Variants in XRCC4 observed in about 807,000 individuals in gnomAD.
XRCC4 encodes X-ray repair cross complementing 4, also known as DNA repair protein XRCC4.
XRCC4 carries 28 observed loss-of-function variants against 39.1 expected under a neutral mutation model. The observed-to-expected ratio is 0.72, with a 90% CI of 0.53 to 0.98. XRCC4 has a LOEUF of 0.98. XRCC4 is among the 50% of genes least tolerant of loss of function. The pLI, the probability that XRCC4 is intolerant of heterozygous loss-of-function variation, is 0.00. For synonymous variants in XRCC4, 123 were observed against 126.4 expected (o/e 0.97, Z 0.18); for missense variants, 350 against 376.4 (o/e 0.93, Z 0.58).
intron 3 of XRCC4, among the ~76,000 whole-genome samples, chr5:83,135,035 C>T (rs934352278): frequency 6.6e-5 from 10 of 152,190 alleles, no homozygotes; most frequent in Non-Finnish European, 1.2e-4. Flanking sequence ...TAACACTCAC[C>T]GCGAGGGTCC....
intron 7 of XRCC4, among the ~76,000 whole-genome samples, chr5:83,287,586 T>G (rs904844454): frequency 6.6e-6 from 1 of 151,966 alleles, no homozygotes; most frequent in African/African-American, 2.4e-5. Flanking sequence ...ATGATACATT[T>G]CCATCCATAT....
At chr5:83,287,378 G>A (rs1277677946) in intron 7 of XRCC4, among the ~76,000 whole-genome samples, 1 of 152,016 alleles carries the variant, frequency 6.6e-6, no homozygotes, top group African/African-American at 2.4e-5. Flanking sequence ...GAATAGCACA[G>A]CTTTCTATGC....
intron 6 of XRCC4, among the ~76,000 whole-genome samples, chr5:83,247,480 G>T (rs1194517074): frequency 1.3e-5 from 2 of 152,158 alleles, no homozygotes; most frequent in African/African-American, 4.8e-5. Flanking sequence ...CCTGTTCCTG[G>T]TGCCAAAAAG....
intron 7 of XRCC4, among the ~76,000 whole-genome samples, chr5:83,288,666 T>A (rs1754814829): frequency 6.6e-6 from 1 of 152,000 alleles, no homozygotes; most frequent in Middle Eastern, 3.4e-3. Context: ...ACCTTGTTTC[T>A]GTGTATGTAA....
At chr5:83,355,270 ACT>A (rs1473357445), downstream of XRCC4, among the ~76,000 whole-genome samples, 7 of 150,932 alleles carry the variant, frequency 4.6e-5, no homozygotes, top group East Asian at 1.4e-3. Context: ...CCTCCCAGTC[ACT>A]CTCTGTCCCA....
chr5:83,153,129 A>G (rs1296245976), intron 3 of XRCC4, among the ~76,000 whole-genome samples: 35 of 152,158 alleles, frequency 2.3e-4, no homozygotes, highest in South Asian at 2.1e-4. Flanking sequence ...AGAGCATTCA[A>G]TCTTTTAGGA....
intron 4 of XRCC4, among the ~76,000 whole-genome samples, chr5:83,198,991 C>T (rs1346827588): frequency 1.3e-5 from 2 of 152,086 alleles, no homozygotes; most frequent in African/African-American, 4.8e-5. Context: ...GTTTTGTTTG[C>T]ACTCAGACCT....
rs28360327 is a variant in XRCC4 at position 83,336,418 on chromosome 5, G to T, written c.894-16713G>T. ...TTTCTGTTTATGCTTTCTGATTTTT[G>T]AAATCTGATTCTTTTTCTTGGTTGG... On this transcript the variant is annotated intron_variant, in intron 7 of 7. Transcript: ENST00000396027. 1.6e-4 allele frequency among the ~76,000 whole-genome samples: 25 copies of T among 152,028 alleles called. 1 individual carries two copies. In the East Asian group the frequency reaches 4.8e-3, roughly 29 times the overall value.
intron 3 of XRCC4, among the ~76,000 whole-genome samples, chr5:83,125,109 T>G (rs12153179): frequency 6.6e-6 from 1 of 151,772 alleles, no homozygotes; most frequent in African/African-American, 2.4e-5. Context: ...TCTTTTCATA[T>G]GTTTATTTGC....
chr5:83,209,662 T>A (rs1015309170), intron 6 of XRCC4, among the ~76,000 whole-genome samples: 3 of 152,102 alleles, frequency 2.0e-5, no homozygotes, highest in Admixed American at 6.6e-5. Flanking sequence ...ATCATAAGGC[T>A]AATGATTTTA....
chr5:83,106,821 A>G (rs780446388), intron 2 of XRCC4, among the ~76,000 whole-genome samples: 1 of 152,038 alleles, frequency 6.6e-6, no homozygotes, highest in Non-Finnish European at 1.5e-5. Flanking sequence ...TTCTCAATGA[A>G]TACTTTTTTG....
chr5:83,239,778 G>A (rs1349594955), intron 6 of XRCC4, among the ~76,000 whole-genome samples: 1 of 151,582 alleles, frequency 6.6e-6, no homozygotes, highest in South Asian at 2.1e-4. Flanking sequence ...GCAGTGAGCC[G>A]AGATTGGGCC....
chr5:83,191,645 A>T (rs1750700338), intron 3 of XRCC4, among the ~76,000 whole-genome samples: 1 of 152,186 alleles, frequency 6.6e-6, no homozygotes, highest in African/African-American at 2.4e-5. Flanking sequence ...GGTTGCAGTG[A>T]GCCGAGATCA....
intron 7 of XRCC4, among the ~76,000 whole-genome samples, chr5:83,305,972 T>A (rs1228059942): frequency 1.3e-5 from 2 of 152,212 alleles, no homozygotes; most frequent in Non-Finnish European, 2.9e-5. Flanking sequence ...TACATTTTGA[T>A]CTGCAGCTTC....
At chr5:83,371,328 A>T in the XRCC4 span, among the ~76,000 whole-genome samples, 1 of 152,132 alleles carries the variant, frequency 6.6e-6, no homozygotes. Context: ...TTCTATTTTA[A>T]CTGCATATTT....
chr5:83,331,561 A>G (rs183719995), intron 7 of XRCC4, among the ~76,000 whole-genome samples: 200 of 152,254 alleles, frequency 1.3e-3, no homozygotes, highest in African/African-American at 4.6e-3. Context: ...GAGAAAATCT[A>G]TGTATATGGA....
chr5:83,148,266 A>G (rs1459502005), intron 3 of XRCC4, among the ~76,000 whole-genome samples: 1 of 152,214 alleles, frequency 6.6e-6, no homozygotes. Flanking sequence ...TTGATAAAAT[A>G]TAGCTGCAGT....
chr5:83,093,514 TCTC>T (rs1745528585), intron 1 of XRCC4, among the ~76,000 whole-genome samples: 1 of 152,202 alleles, frequency 6.6e-6, no homozygotes, highest in African/African-American at 2.4e-5. Flanking sequence ...TACACAATCT[TCTC>T]AAATGTACAC....
At chr5:83,129,131 C>G (rs1747425668) in intron 3 of XRCC4, among the ~76,000 whole-genome samples, 1 of 151,252 alleles carries the variant, frequency 6.6e-6, no homozygotes, top group East Asian at 1.9e-4. Flanking sequence ...AGTCTTTAAT[C>G]CATCTTGAAT....
Sources: gnomAD v4.1 joint callset for allele counts (sites outside exome capture counted in the v4.1 genomes callset) on GRCh38, gnomAD v4.1.1 for gene constraint, MANE v1.5 for transcripts, NCBI Gene and HGNC (gene_info 2026-07-23, HGNC 2026-07-21) for gene names.